The following BCAN variants were observed in gnomAD, a reference collection of about 807,000 sequenced individuals.
BCAN encodes brevican.
In BCAN, 51 loss-of-function variants were observed where a neutral mutation model predicts 92.4. The ratio of observed to expected loss-of-function variants is 0.55; its 90% confidence interval spans 0.44 to 0.70. The LOEUF is 0.70. BCAN is among the 30% of genes least tolerant of loss of function. The pLI is 0.00. For synonymous variants in BCAN, 501 were observed against 505.2 expected, an observed-to-expected ratio of 0.99 and a Z score of 0.11; for missense variants, 1,140 against 1,212.1, an observed-to-expected ratio of 0.94 and a Z score of 0.88.
intron 2 of BCAN, 137 bp from the exon 3 acceptor site, chr1:156,646,664 C>CCCCTGGCCCCTGGA: frequency 7.2e-7 from 1 of 1,382,786 alleles, no homozygotes; most frequent in South Asian, 1.5e-5. Context: ...TGGCCCCTGG[C>CCCCTGGCCCCTGGA]CCCTGGCCCC....
chr1:156,647,380 C>T lies in BCAN; in HGVS notation c.467-128C>T. The stretch of plus-strand genomic sequence containing the variant: ...ATTCTACCCACAATCTAACTTAAGT[C>T]CCTCATGCTGTAGAGTGAGCACAAT... On this transcript the variant is annotated intron_variant, in intron 3 of 13. Coordinates refer to ENST00000329117, the MANE Select transcript of BCAN (RefSeq NM_021948.5). The surrounding 1 kb of genome is among the most constrained non-coding windows in gnomAD (Gnocchi z 4.8). The T allele has an allele frequency of 8.7e-7, 1 of 1,154,298 alleles. No homozygotes were observed. The allele number at this position is 1,154,298 out of a possible 1,614,324, so 71.5% of individuals were successfully genotyped here.
At position 156,652,402 on chromosome 1, in the gene BCAN, C is replaced by A. The variant is rs746563491; in HGVS notation, c.1452C>A (p.Ser484Arg). The part of the protein sequence containing the change: ...VEDEALWAWP[S>R]ELSSPGPEAS... ...ATGAGGCTCTGTGGGCATGGCCCAGCGAGCTCAGCAGCCCGGGCCCTGAGG... is the reference window on the plus strand; with the variant it reads ...ATGAGGCTCTGTGGGCATGGCCCAGAGAGCTCAGCAGCCCGGGCCCTGAGG... The change falls in exon 8 of 14, where the codon AGC becomes AGA. Residue 484 changes from serine to arginine, a missense_variant. By Grantham distance (110) the Ser-to-Arg change is moderately radical. Around this residue, in one of 3 missense-constraint regions of BCAN, gnomAD observed 825 missense variants for 871.8 expected, o/e 0.95. Transcript: ENST00000329117. The A allele has an allele frequency of 1.9e-6, 3 of 1,607,912 alleles. No individual in the cohort carries two copies. The highest frequency in any genetic ancestry group is 4.5e-5 in the East Asian group (2 of 44,590).
In BCAN at chr1:156,652,718, G is replaced by T. The variant is rs369853236; in HGVS notation, c.1768G>T (p.Gly590Cys). Residue 590 changes from glycine (G) to cysteine (C), a missense_variant, in exon 8 of 14, where the codon GGT (glycine) becomes TGT (cysteine). Physicochemically the swap from Gly to Cys is radical, Grantham distance 159 (BLOSUM62 -3). Coordinates refer to ENST00000329117, the MANE Select transcript of BCAN (RefSeq NM_021948.5). ...GESEETGSSEGAPSLLPATRA... is the reference protein window; with the variant it reads ...GESEETGSSECAPSLLPATRA... ...GAGCGAGGAGACAGGAAGCTCCGAG[G>T]GTGCCCCTTCCCTGCTTCCAGCCAC... The T allele has an allele frequency of 1.1e-4, 176 of 1,604,772 alleles. 2 individuals carry two copies. The highest frequency in any genetic ancestry group is 9.6e-4 in the South Asian group (87 of 90,310).
At chr1:156,654,261 T>G (rs982762893) in intron 8 of BCAN, among the ~76,000 whole-genome samples, 3 of 152,128 alleles carry the variant, frequency 2.0e-5, no homozygotes, top group African/African-American at 7.2e-5. Context: ...AGGCTGGGAT[T>G]CCCTTAGCCC....
chr1:156,651,613 C>T lies in BCAN; in HGVS notation c.1221C>T (p.Ser407=). 6.2e-7 allele frequency: 1 copy of T among 1,613,918 alleles called. No homozygotes were observed. Among genetic ancestry groups the T allele is most frequent in the African/African-American group, 1.3e-5 (1 of 75,050 alleles). The stretch of plus-strand genomic sequence containing the variant: ...GTGAATCCCGTGGGGCCATCTACTC[C>T]ATCCCCATCATGGAGGACGGAGGAG... ...TESESRGAIY[S]IPIMEDGGGG... Residue 407 remains serine, a synonymous_variant, in exon 7 of 14, where the codon TCC becomes TCT. Transcript: ENST00000329117.
intron 1 of BCAN, chr1:156,643,635 C>CACACACAGAGAGAGAG (rs549293956): frequency 4.8e-5 from 5 of 103,780 alleles, no homozygotes; most frequent in African/African-American, 1.8e-4. Flanking sequence ...CACACACACA[C>CACACACAGAGAGAGAG]AGAGAGAGAG....
rs759120648 is a variant in BCAN, at chr1:156,652,643, G to A, written c.1693G>A (p.Val565Met). The change falls in exon 8 of 14, where the codon GTG (valine) becomes ATG (methionine). Residue 565 changes from valine (V) to methionine (M), a missense_variant. By Grantham distance (21) the Val-to-Met change is conservative. Coordinates refer to ENST00000329117, the MANE Select transcript of BCAN (RefSeq NM_021948.5). Reference protein sequence around the residue: ...SPSTLVEAREVGEATGGPELS... With the variant: ...SPSTLVEAREMGEATGGPELS... Reference sequence around the variant, plus strand: ...TTCCACTCTGGTTGAGGCAAGAGAGGTGGGGGAGGCAACTGGTGGTCCTGA... The same window carrying A: ...TTCCACTCTGGTTGAGGCAAGAGAGATGGGGGAGGCAACTGGTGGTCCTGA... 1.2e-6 allele frequency: 2 copies of A among 1,613,872 alleles called. No homozygotes were observed.
In BCAN at chr1:156,647,512, C is replaced by G. The variant is rs371030202; in HGVS notation, c.471C>G (p.Val157=). 4 of 1,559,680 alleles carry G rather than the reference C, an allele frequency of 2.6e-6. No individual in the cohort carries two copies. Among genetic ancestry groups the G allele is most frequent in the Non-Finnish European group, 2.6e-6 (3 of 1,155,430 alleles). Reference sequence around the variant, plus strand: ...GGGGTCCTCTCTGCCCCACAGGGGTCGTCTTTCTCTACCGAGAGGGCTCTG... The same window carrying G: ...GGGGTCCTCTCTGCCCCACAGGGGTGGTCTTTCTCTACCGAGAGGGCTCTG... ...SDAVEVKVKG[V]VFLYREGSAR... is the part of the protein sequence containing the mutation. The change falls in exon 4 of 14, where the codon GTC becomes GTG. Residue 157 remains valine, a synonymous_variant. Transcript: ENST00000329117. The surrounding 1 kb of genome is among the most constrained non-coding windows in gnomAD (Gnocchi z 4.8).
intron 8 of BCAN, among the ~76,000 whole-genome samples, chr1:156,654,900 G>A (rs900341474): frequency 6.6e-6 from 1 of 152,328 alleles, no homozygotes; most frequent in Non-Finnish European, 1.5e-5. Context: ...TGCTGGAAAA[G>A]CTGATTCATT....
Position 156,648,769 on chromosome 1 carries a change from G to T in BCAN, c.971G>T (p.Gly324Val). Residue 324 changes from glycine to valine, a missense_variant, in exon 6 of 14, where the codon GGG (glycine) becomes GTG (valine). Coordinates refer to ENST00000329117, the MANE Select transcript of BCAN (RefSeq NM_021948.5). ...PIVTPSQRCG[G>V]GLPGVKTLFL... Reference sequence around the variant, plus strand: ...GTCACACCCAGCCAGCGCTGTGGTGGGGGCTTGCCTGGTGTCAAGACTCTC... The same window carrying T: ...GTCACACCCAGCCAGCGCTGTGGTGTGGGCTTGCCTGGTGTCAAGACTCTC... The T allele has an allele frequency of 1.9e-6, 3 of 1,609,520 alleles. No individual in the cohort carries two copies. The highest frequency in any genetic ancestry group is 2.6e-6 in the Non-Finnish European group (3 of 1,176,254).
At position 156,647,099 on chromosome 1, in the gene BCAN, C is replaced by T. The variant is rs373878479; in HGVS notation, c.390C>T (p.Asn130=). 2.5e-6 allele frequency: 4 copies of T among 1,606,946 alleles called. No individual in the cohort carries two copies. In the South Asian group the frequency reaches 4.4e-5, roughly 18 times the overall value. The part of the protein sequence containing the change: ...VSLALSELRP[N]DSGIYRCEVQ... The stretch of plus-strand genomic sequence containing the variant: ...TGGCGCTGAGCGAGCTGCGCCCCAA[C>T]GACTCAGGTATCTATCGCTGTGAGG... Residue 130 remains asparagine (N), a synonymous_variant, in exon 3 of 14, where the codon AAC becomes AAT. Coordinates refer to ENST00000329117, the MANE Select transcript of BCAN (RefSeq NM_021948.5). This position sits in a 1 kb window ranked among gnomAD's most constrained non-coding sequence, Gnocchi z 4.8.
In BCAN at chr1:156,658,395, C is replaced by G; in HGVS notation, c.2437+124C>G. The G allele has an allele frequency of 6.8e-7, 1 of 1,469,858 alleles. No individual in the cohort carries two copies. Among genetic ancestry groups the G allele is most frequent in the Non-Finnish European group, 9.2e-7 (1 of 1,089,722 alleles). 91.1% of individuals were successfully genotyped at this position (1,469,858 alleles called of 1,614,324 possible). A position where few individuals can be genotyped will look rare whatever the true frequency, so the allele number is the denominator to read the frequency against. On this transcript the variant is annotated intron_variant, in intron 12 of 13. Transcript: ENST00000329117. This position sits in a 1 kb window ranked among gnomAD's most constrained non-coding sequence, Gnocchi z 4.4. ...AGAGGAGTCAGAACGTGTTCCAGAC[C>G]ATGGGAGAGCTAACAAGTTACGTGG... is the stretch of plus-strand genomic sequence containing the variant.
chr1:156,646,746 G>T (rs1359349636), intron 2 of BCAN, 55 bp from the exon 3 acceptor site: 5 of 1,509,572 alleles, frequency 3.3e-6, no homozygotes, highest in Non-Finnish European at 4.4e-6. Flanking sequence ...AGGCCACCGG[G>T]TGGGACTCTG....
rs1679006577 is a variant in BCAN at position 156,647,046 on chromosome 1, T to C, written c.337T>C (p.Tyr113His). The C allele has an allele frequency of 6.2e-7, 1 of 1,611,914 alleles. No homozygotes were observed. Among genetic ancestry groups the C allele is most frequent in the Non-Finnish European group, 8.5e-7 (1 of 1,178,684 alleles). ...CCGGTTCCGCGTGGCACTGCCTGCGTACCCAGCGTCGCTCACCGACGTCTC... is the reference window on the plus strand; with the variant it reads ...CCGGTTCCGCGTGGCACTGCCTGCGCACCCAGCGTCGCTCACCGACGTCTC... Reference protein sequence around the residue: ...AYRFRVALPAYPASLTDVSLA... With the variant: ...AYRFRVALPAHPASLTDVSLA... The change falls in exon 3 of 14, where the codon TAC (tyrosine) becomes CAC (histidine). Residue 113 changes from tyrosine (Y) to histidine (H), a missense_variant. Tyr to His is a moderately conservative substitution (Grantham distance 83, BLOSUM62 2). Around this residue, in one of 3 missense-constraint regions of BCAN, gnomAD observed 286 missense variants for 284.1 expected, o/e 1.01. Transcript: ENST00000329117. This position sits in a 1 kb window ranked among gnomAD's most constrained non-coding sequence, Gnocchi z 4.8.
At chr1:156,650,967 C>A (rs944982954) in intron 6 of BCAN, among the ~76,000 whole-genome samples, 1 of 152,076 alleles carries the variant, frequency 6.6e-6, no homozygotes, top group Non-Finnish European at 1.5e-5. Context: ...TTGGGGATAC[C>A]TGGGACACCT....
Position 156,651,669 on chromosome 1 carries a change from A to C in BCAN, c.1277A>C (p.Glu426Ala). The change falls in exon 7 of 14, where the codon GAG becomes GCG. Residue 426 changes from glutamate (E) to alanine (A), a missense_variant. By Grantham distance (107) the Glu-to-Ala change is moderately radical. This residue lies in a region of BCAN where 825 missense variants were observed against 871.8 expected (regional missense o/e 0.95). Coordinates refer to ENST00000329117, the MANE Select transcript of BCAN (RefSeq NM_021948.5). ...GGSSTPEDPA[E>A]APRTLLEFET... is the part of the protein sequence containing the mutation. ...AGCTCCACTCCAGAAGACCCAGCAG[A>C]GGCCCCTAGGACGCTCCTAGGTAAG... The C allele has an allele frequency of 6.2e-7, 1 of 1,612,864 alleles. No homozygotes were observed. Among genetic ancestry groups the C allele is most frequent in the Non-Finnish European group, 8.5e-7 (1 of 1,179,734 alleles).
chr1:156,657,815 C>A, intron 11 of BCAN, 58 bp downstream of exon 11: 1 of 1,422,092 alleles, frequency 7.0e-7, no homozygotes, highest in South Asian at 1.2e-5. Context: ...CACTTCTGTT[C>A]CCTACCACCC....
In BCAN at chr1:156,658,122, C is replaced by T. The variant is rs1199298269; in HGVS notation, c.2293-5C>T. ...AGCTCCTCACCACCTCCTCCGTTCC[C>T]CCAGCTCTATGAGAACTGGAACCCT... On this transcript the variant is annotated splice_polypyrimidine_tract_variant and splice_region_variant and intron_variant, in intron 11 of 13. Transcript: ENST00000329117. The surrounding 1 kb of genome is among the most constrained non-coding windows in gnomAD (Gnocchi z 4.4). 1.2e-6 allele frequency: 2 copies of T among 1,613,252 alleles called. No individual in the cohort carries two copies. The highest frequency in any genetic ancestry group is 1.3e-5 in the African/African-American group (1 of 74,906).
At chr1:156,653,350 G>C in intron 8 of BCAN, 1 of 1,037,270 alleles carries the variant, frequency 9.6e-7, no homozygotes, top group Non-Finnish European at 1.2e-6. Flanking sequence ...CTCAACCTCC[G>C]GAGTCCAGGA....
Sources: allele counts gnomAD v4.1 joint callset (sites outside exome capture counted in the v4.1 genomes callset), GRCh38; gene constraint gnomAD v4.1.1; regional missense constraint gnomAD v4.1.1; non-coding constraint Gnocchi (gnomAD v3.1); transcripts MANE v1.5; gene names NCBI Gene and HGNC (gene_info 2026-07-23, HGNC 2026-07-21).